The following ARHGAP31 variants were observed in gnomAD, a reference collection of about 807,000 sequenced individuals.
ARHGAP31 encodes the protein Rho GTPase activating protein 31, also known as rho GTPase-activating protein 31.
ARHGAP31 carries 34 observed loss-of-function variants against 113.9 expected under a neutral mutation model. The ratio of observed to expected loss-of-function variants is 0.30; its 90% CI spans 0.23 to 0.40. ARHGAP31 has a LOEUF of 0.40. Ranked by LOEUF, ARHGAP31 falls within the 10% of genes least tolerant of loss-of-function variation. ARHGAP31 has a pLI of 1.00. For synonymous variants in ARHGAP31, 650 were observed against 684.8 expected, an observed-to-expected ratio of 0.95 and a Z score of 0.79; for missense variants, 1,548 against 1,767.1, an observed-to-expected ratio of 0.88 and a Z score of 2.22.
At chr3:119,334,647 G>C (rs531154306) in intron 1 of ARHGAP31, among the ~76,000 whole-genome samples, 4 of 152,304 alleles carry the variant, frequency 2.6e-5, no homozygotes, top group African/African-American at 9.6e-5. Flanking sequence ...ACCATCCCTG[G>C]CCAGCAGGGA....
chr3:119,374,278 T>G (rs1221961930), intron 3 of ARHGAP31, among the ~76,000 whole-genome samples: 1 of 152,112 alleles, frequency 6.6e-6, no homozygotes, highest in Non-Finnish European at 1.5e-5. Flanking sequence ...TGAGATCTGC[T>G]TAGAGTTTGG....
rs765735899 is a variant in ARHGAP31 at position 119,382,292 on chromosome 3, G to A, written c.432G>A (p.Arg144=). 4 of 1,614,032 alleles carry A rather than the reference G, an allele frequency of 2.5e-6. No individual in the cohort carries two copies. Among genetic ancestry groups the A allele is most frequent in the East Asian group, 2.2e-5 (1 of 44,884 alleles). The stretch of plus-strand genomic sequence containing the variant: ...TTTGTCAAAAAACAAACCATTCTAG[G>A]ACCTTGGAATACCTGATTCGACACC... ...VIQELPPSHY[R]TLEYLIRHLA... Residue 144 remains arginine (R), a splice_region_variant and synonymous_variant, in exon 5 of 12, where the codon AGG becomes AGA. Coordinates refer to ENST00000264245, the MANE Select transcript of ARHGAP31 (RefSeq NM_020754.4).
intron 8 of ARHGAP31, among the ~76,000 whole-genome samples, chr3:119,395,671 C>T (rs1016086153): frequency 6.6e-6 from 1 of 152,130 alleles, no homozygotes; most frequent in African/African-American, 2.4e-5. Context: ...ATGGTTCGGT[C>T]CCTGTTGTCA....
At chr3:119,407,361 A>AAGAG (rs1226474447) in intron 10 of ARHGAP31, among the ~76,000 whole-genome samples, 1 of 150,944 alleles carries the variant, frequency 6.6e-6, no homozygotes, top group African/African-American at 2.4e-5. Context: ...AAAAAAAAGA[A>AAGAG]AGAAAGAAAA....
intron 3 of ARHGAP31, among the ~76,000 whole-genome samples, chr3:119,370,997 G>T (rs1231422417): frequency 1.3e-5 from 2 of 152,010 alleles, no homozygotes; most frequent in African/African-American, 2.4e-5. Context: ...TTTCCAATTG[G>T]TTAAATTATT....
At position 119,330,071 on chromosome 3, in the gene ARHGAP31, C is replaced by A. The variant is rs78970031; in HGVS notation, c.100+35067C>A. The A allele has an allele frequency of 2.5e-3, 2,305 of 932,202 alleles. 35 individuals are homozygous for A. In the African/African-American group the frequency reaches 0.033, roughly 13 times the overall value. 57.7% of individuals were successfully genotyped at this position (932,202 alleles called of 1,614,324 possible). On this transcript the variant is annotated intron_variant, in intron 1 of 11. Coordinates refer to ENST00000264245, the MANE Select transcript of ARHGAP31 (RefSeq NM_020754.4). ...GTGGTAGATATTTCCATTCAATCGT[C>A]TGATTGTTTGAACTGATCTAATCAC... is the stretch of plus-strand genomic sequence containing the variant.
chr3:119,315,441 C>T (rs930258938), intron 1 of ARHGAP31, among the ~76,000 whole-genome samples: 4 of 152,184 alleles, frequency 2.6e-5, no homozygotes, highest in East Asian at 1.9e-4. Context: ...CAAAGTCATC[C>T]GCTCTGAACT....
chr3:119,360,888 A>G (rs1559979384), intron 1 of ARHGAP31, among the ~76,000 whole-genome samples: 1 of 152,200 alleles, frequency 6.6e-6, no homozygotes, highest in Non-Finnish European at 1.5e-5. Flanking sequence ...AACTATGTGT[A>G]CCTCTGTAGG....
chr3:119,402,060 G>A lies in ARHGAP31; in HGVS notation c.1308G>A (p.Arg436=). 1 of 1,614,172 alleles carries A rather than the reference G, an allele frequency of 6.2e-7. No individual in the cohort carries two copies. The change falls in exon 10 of 12, where the codon CGG becomes CGA. Residue 436 remains arginine (R), a synonymous_variant. Transcript: ENST00000264245. ...CACCGGAACAGCTGAAGGTTTTCCG[G>A]CCTGTTGAGGATCCGGAGAGCGAGC... ...RPPPEQLKVF[R]PVEDPESEQT...
intron 10 of ARHGAP31, among the ~76,000 whole-genome samples, chr3:119,405,959 T>C (rs2080657278): frequency 1.3e-5 from 2 of 152,268 alleles, no homozygotes; most frequent in African/African-American, 4.8e-5. Context: ...ACATAAATAA[T>C]AACACTGAGT....
In ARHGAP31 at chr3:119,294,498, C is replaced by G. The variant is rs1243769028; in HGVS notation, c.-407C>G. The G allele has an allele frequency of 2.2e-6, 1 of 454,244 alleles. No individual in the cohort carries two copies. Among genetic ancestry groups the G allele is most frequent in the Non-Finnish European group, 3.8e-6 (1 of 263,950 alleles). The allele number at this position is 454,244 out of a possible 1,614,324, so 28.1% of individuals were successfully genotyped here. On this transcript the variant is annotated 5_prime_UTR_variant, in exon 1 of 12. Transcript: ENST00000264245. ...GACCCACCGCAGCCCCCTGGGCAGTCTCCTCGCCCCGCGTCCGCGTCGTCT... is the reference window on the plus strand; with the variant it reads ...GACCCACCGCAGCCCCCTGGGCAGTGTCCTCGCCCCGCGTCCGCGTCGTCT...
chr3:119,331,570 C>G (rs965971869), intron 1 of ARHGAP31, among the ~76,000 whole-genome samples: 7 of 152,004 alleles, frequency 4.6e-5, no homozygotes, highest in Non-Finnish European at 4.4e-5. Context: ...TTCATGAGTC[C>G]TTGACTAGAA....
chr3:119,396,866 C>T (rs1244103441), intron 8 of ARHGAP31, among the ~76,000 whole-genome samples: 1 of 152,112 alleles, frequency 6.6e-6, no homozygotes, highest in Admixed American at 6.5e-5. Flanking sequence ...AATTAAGATG[C>T]ACAAACTTTA....
At chr3:119,402,499 G>T in intron 10 of ARHGAP31, 102 bp downstream of exon 10, 1 of 1,288,922 alleles carries the variant, frequency 7.8e-7, no homozygotes. Context: ...TTAAGCCTGT[G>T]GGCTCTAGAG....
Position 119,414,445 on chromosome 3 carries a change from C to T in ARHGAP31, c.2516C>T (p.Ala839Val). 6.2e-7 allele frequency: 1 copy of T among 1,614,244 alleles called. No homozygotes were observed. The change falls in exon 12 of 12, where the codon GCA (alanine) becomes GTA (valine). Residue 839 changes from alanine to valine, a missense_variant. Transcript: ENST00000264245. ...TCTAGCCTCTGTCAGGGAGAGGAGG[C>T]AACCCCAAGACACAGTGACAAGCAA... The part of the protein sequence containing the change: ...EISSLCQGEE[A>V]TPRHSDKQNS...
Position 119,389,342 on chromosome 3 carries a change from G to A in ARHGAP31, c.683-1443G>A, listed in dbSNP as rs149407140. Among the ~76,000 whole-genome samples, 680 of 152,214 alleles carry A rather than the reference G, an allele frequency of 4.5e-3. 7 individuals are homozygous for A. Among genetic ancestry groups the A allele is most frequent in the African/African-American group, 0.016 (652 of 41,520 alleles). On this transcript the variant is annotated intron_variant, in intron 6 of 11. Coordinates refer to ENST00000264245, the MANE Select transcript of ARHGAP31 (RefSeq NM_020754.4). ...CCATTGTTGCAGTTGCTCCCAGAGT[G>A]AGTTAATGTATGTATTTATTTTTAT... is the stretch of plus-strand genomic sequence containing the variant.
chr3:119,364,305 C>T (rs77278670), intron 1 of ARHGAP31, among the ~76,000 whole-genome samples: 2,635 of 151,886 alleles, frequency 0.017, 47 homozygotes, highest in East Asian at 0.061. Flanking sequence ...AAATCACCTT[C>T]GACATTCTGG....
At chr3:119,300,896 G>C (rs917095553) in intron 1 of ARHGAP31, among the ~76,000 whole-genome samples, 3 of 151,880 alleles carry the variant, frequency 2.0e-5, no homozygotes, top group African/African-American at 7.3e-5. Context: ...GCTGAGTCCA[G>C]CAGAGCTGAA....
chr3:119,354,957 G>C (rs2080143168), intron 1 of ARHGAP31, among the ~76,000 whole-genome samples: 1 of 151,960 alleles, frequency 6.6e-6, no homozygotes, highest in South Asian at 2.1e-4. Flanking sequence ...GATCAGACCT[G>C]TAGTGGTAGG....
Sources: allele counts gnomAD v4.1 joint callset (sites outside exome capture counted in the v4.1 genomes callset), GRCh38; gene constraint gnomAD v4.1.1; transcripts MANE v1.5; gene names NCBI Gene and HGNC (gene_info 2026-07-23, HGNC 2026-07-21).